The following GOLGB1 variants were observed in gnomAD, a reference collection of about 807,000 sequenced individuals.
GOLGB1 encodes the protein golgin subfamily B member 1.
Under a neutral mutation model 336.9 loss-of-function variants are expected in GOLGB1, and 174 were observed. The ratio of observed to expected loss-of-function variants is 0.52; its 90% CI spans 0.46 to 0.59. The LOEUF (loss-of-function observed/expected upper bound fraction) is 0.59, where lower values mean the gene tolerates loss of function less well. Ranked by LOEUF, GOLGB1 falls within the 20% of genes least tolerant of loss-of-function variation. GOLGB1 has a pLI of 0.00. For missense variants in GOLGB1, 3,331 were observed against 3,645.3 expected (o/e 0.91, Z 2.22); for synonymous variants, 1,208 against 1,289.2 (o/e 0.94, Z 1.35).
chr3:121,722,617 T>G (rs1430262305), intron 5 of GOLGB1, among the ~76,000 whole-genome samples: 1 of 152,102 alleles, frequency 6.6e-6, no homozygotes, highest in Non-Finnish European at 1.5e-5. Context: ...CAGCACAAGA[T>G]AGTAAAACCA....
rs765685351 is a variant in GOLGB1, at chr3:121,691,073, C to T, written c.8291G>A (p.Arg2764Lys). 14 of 1,613,928 alleles carry T rather than the reference C, an allele frequency of 8.7e-6. No homozygotes were observed. The Admixed American group carries it at 2.3e-4, about 27-fold the overall frequency. Residue 2764 changes from arginine to lysine, a missense_variant, in exon 14 of 22, where the codon AGG (arginine) becomes AAG (lysine). Transcript: ENST00000614479. ...TTCCTTCAGACTGGCATCATATTTCCTTTTCAGTTCATCAAGTTCCTCATT... is the reference window on the plus strand; with the variant it reads ...TTCCTTCAGACTGGCATCATATTTCTTTTTCAGTTCATCAAGTTCCTCATT... ...HANEELDELK[R>K]KYDASLKELA...
In GOLGB1 at chr3:121,696,684, T is replaced by C. The variant is rs1942977159; in HGVS notation, c.3839A>G (p.His1280Arg). Residue 1280 changes from histidine (H) to arginine (R), a missense_variant, in exon 13 of 22, where the codon CAC (histidine) becomes CGC (arginine). Physicochemically the swap from His to Arg is conservative, Grantham distance 29 (BLOSUM62 0). Transcript: ENST00000614479. ...GTTGGACTCTAAAACAGGTTGAGTG[T>C]GATGCTGTTCTGTGGCTTTGAATAA... ...EPLFKATEQH[H>R]TQPVLESNLC... 3 of 1,614,134 alleles carry C rather than the reference T, an allele frequency of 1.9e-6. No individual in the cohort carries two copies. Among genetic ancestry groups the C allele is most frequent in the Non-Finnish European group, 2.5e-6 (3 of 1,180,002 alleles).
intron 5 of GOLGB1, among the ~76,000 whole-genome samples, chr3:121,723,012 A>G (rs909267046): frequency 2.0e-5 from 3 of 152,236 alleles, no homozygotes; most frequent in African/African-American, 7.2e-5. Context: ...ATGAACCTGT[A>G]CTAAGAAGAA....
At chr3:121,725,371 T>C (rs1202219030) in intron 5 of GOLGB1, among the ~76,000 whole-genome samples, 2 of 152,184 alleles carry the variant, frequency 1.3e-5, no homozygotes, top group African/African-American at 4.8e-5. Context: ...AAGATTATTC[T>C]GGAATTTTAA....
intron 1 of GOLGB1, among the ~76,000 whole-genome samples, chr3:121,741,287 C>T (rs192097437): frequency 1.6e-3 from 239 of 151,960 alleles, no homozygotes; most frequent in African/African-American, 5.2e-3. Context: ...ATTAAATATA[C>T]GGTTACTAAC....
chr3:121,676,955 G>T lies in GOLGB1; in HGVS notation c.9115C>A (p.Leu3039Ile). 6.2e-7 allele frequency: 1 copy of T among 1,613,368 alleles called. No individual in the cohort carries two copies. Among genetic ancestry groups the T allele is most frequent in the South Asian group, 1.1e-5 (1 of 91,068 alleles). ...TGAATTTCCTTTAAGCTGTCATTGA[G>T]CTGGGTCCTGAGAAGTTCTGTCTCA... ...VYETELLRTQ[L>I]NDSLKEIHQK... The change falls in exon 17 of 22, where the codon CTC (leucine) becomes ATC (isoleucine). Residue 3039 changes from leucine (L) to isoleucine (I), a missense_variant. Physicochemically the swap from Leu to Ile is conservative, Grantham distance 5 (BLOSUM62 2). Coordinates refer to ENST00000614479, the MANE Select transcript of GOLGB1 (RefSeq NM_001366282.2).
chr3:121,694,960 C>G lies in GOLGB1; in HGVS notation c.5563G>C (p.Ala1855Pro). The stretch of plus-strand genomic sequence containing the variant: ...TTCTGCTTCTCCTCCTCTAATCCAG[C>G]AATTCTTTCTTTGAGCTGATCAATC... ...QQIDQLKERI[A>P]GLEEEKQKNK... Residue 1855 changes from alanine (A) to proline (P), a missense_variant, in exon 13 of 22, where the codon GCT becomes CCT. By Grantham distance (27) the Ala-to-Pro change is conservative (BLOSUM62 -1). Coordinates refer to ENST00000614479, the MANE Select transcript of GOLGB1 (RefSeq NM_001366282.2). 1 of 1,614,120 alleles carries G rather than the reference C, an allele frequency of 6.2e-7. No individual in the cohort carries two copies. The highest frequency in any genetic ancestry group is 8.5e-7 in the Non-Finnish European group (1 of 1,180,008).
Position 121,681,787 on chromosome 3 carries a change from G to T in GOLGB1, c.8773C>A (p.Gln2925Lys). Residue 2925 changes from glutamine to lysine, a missense_variant, in exon 15 of 22, where the codon CAA (glutamine) becomes AAA (lysine). Coordinates refer to ENST00000614479, the MANE Select transcript of GOLGB1 (RefSeq NM_001366282.2). The part of the protein sequence containing the change: ...EITELHPLKA[Q>K]LQEYQDKTKA... ...GTCTTATCTTGATACTCCTGAAGTTGAGCCTTCAGTGGATGTAACTCAGTG... is the reference window on the plus strand; with the variant it reads ...GTCTTATCTTGATACTCCTGAAGTTTAGCCTTCAGTGGATGTAACTCAGTG... 6.3e-7 allele frequency: 1 copy of T among 1,598,634 alleles called. No homozygotes were observed.
Position 121,690,783 on chromosome 3 carries a change from G to A in GOLGB1, c.8581C>T (p.Arg2861Ter). ...DHLWNELEKFRKSEEGKQRSA... is the reference protein window; with the variant it reads ...DHLWNELEKF ...CTCTGCTTCCCTTCCTCTGACTTTC[G>A]AAATTTCTCCAGCTCATTCCACAGG... Residue 2861 changes from arginine (R) to a stop codon, truncating the protein, a stop_gained, in exon 14 of 22, where the codon CGA becomes TGA. Transcript: ENST00000614479. LOFTEE classifies it high-confidence loss of function. 4.4e-6 allele frequency: 7 copies of A among 1,597,526 alleles called. No homozygotes were observed. The highest frequency in any genetic ancestry group is 6.0e-6 in the Non-Finnish European group (7 of 1,173,054).
At chr3:121,699,919 A>C in intron 11 of GOLGB1, 34 bp from the exon 12 acceptor site, 2 of 1,233,434 alleles carry the variant, frequency 1.6e-6, no homozygotes, top group Non-Finnish European at 2.3e-6. Context: ...TTTAGAAGAT[A>C]TATGTGGAGT....
Position 121,729,880 on chromosome 3 carries a change from T to C in GOLGB1, c.234A>G (p.Lys78=), listed in dbSNP as rs987919161. The change falls in exon 3 of 22, where the codon AAA becomes AAG. Residue 78 remains lysine, a synonymous_variant. Coordinates refer to ENST00000614479, the MANE Select transcript of GOLGB1 (RefSeq NM_001366282.2). The part of the protein sequence containing the change: ...IRQKDVQLQQ[K]DEALQEERKA... ...ACAATAGTACCTGTAGAGCTTCATC[T>C]TTCTGCTGCAGTTGAACATCCTTCT... is the stretch of plus-strand genomic sequence containing the variant. The C allele has an allele frequency of 3.7e-6, 6 of 1,612,228 alleles. No homozygotes were observed. In the African/African-American group the frequency reaches 6.7e-5, roughly 18 times the overall value.
Position 121,692,255 on chromosome 3 carries a change from G to A in GOLGB1, c.7109C>T (p.Ala2370Val). 1 of 1,605,408 alleles carries A rather than the reference G, an allele frequency of 6.2e-7. No homozygotes were observed. The highest frequency in any genetic ancestry group is 8.5e-7 in the Non-Finnish European group (1 of 1,177,272). ...SYEQLETDLQ[A>V]SRELTSRLHE... The stretch of plus-strand genomic sequence containing the variant: ...CAGCCTACTGGTCAGTTCTCTGGAG[G>A]CCTGAAGATCAGTCTCCAGTTGTTC... The change falls in exon 14 of 22, where the codon GCC becomes GTC. Residue 2370 changes from alanine (A) to valine (V), a missense_variant. Transcript: ENST00000614479.
At chr3:121,668,928 A>T (rs550468773) in intron 18 of GOLGB1, among the ~76,000 whole-genome samples, 76 of 152,196 alleles carry the variant, frequency 5.0e-4, no homozygotes, top group Non-Finnish European at 1.2e-4. Flanking sequence ...CTTAAAGCAA[A>T]ATCAACACTT....
chr3:121,686,556 TAGTC>T (rs957869557), intron 14 of GOLGB1, among the ~76,000 whole-genome samples: 2 of 152,208 alleles, frequency 1.3e-5, no homozygotes, highest in African/African-American at 2.4e-5. Flanking sequence ...GTCATCTGCT[TAGTC>T]AGTTCTATGC....
At position 121,716,925 on chromosome 3, in the gene GOLGB1, C is replaced by A. The variant is rs1057100369; in HGVS notation, c.1100G>T (p.Arg367Leu). 6.2e-7 allele frequency: 1 copy of A among 1,613,740 alleles called. No homozygotes were observed. Among genetic ancestry groups the A allele is most frequent in the Non-Finnish European group, 8.5e-7 (1 of 1,179,830 alleles). ...AGQAQAELES[R>L]YSALEQKHKA... ...GTGCTTCTGCTCCAAAGCACTATAC[C>A]GAGACTCTAGTTCAGCCTGGGCTTG... The change falls in exon 9 of 22, where the codon CGG becomes CTG. Residue 367 changes from arginine to leucine, a missense_variant. Physicochemically the swap from Arg to Leu is moderately radical, Grantham distance 102 (BLOSUM62 -2). Transcript: ENST00000614479.
At chr3:121,742,875 T>A (rs946758129) in intron 1 of GOLGB1, among the ~76,000 whole-genome samples, 16 of 152,220 alleles carry the variant, frequency 1.1e-4, no homozygotes, top group Admixed American at 2.6e-4. Context: ...ATGCTCACCA[T>A]CACTGGTCAT....
intron 5 of GOLGB1, among the ~76,000 whole-genome samples, chr3:121,725,074 C>T (rs1339345280): frequency 6.6e-6 from 1 of 152,108 alleles, no homozygotes; most frequent in African/African-American, 2.4e-5. Flanking sequence ...CAGGCAGAGG[C>T]TTGTCTTGAG....
intron 10 of GOLGB1, among the ~76,000 whole-genome samples, chr3:121,703,177 T>C (rs1015482850): frequency 3.3e-5 from 5 of 152,232 alleles, no homozygotes; most frequent in Admixed American, 3.3e-4. Context: ...TCTTTGTATA[T>C]ATTTTTTATT....
At chr3:121,741,883 A>G (rs538413592) in intron 1 of GOLGB1, among the ~76,000 whole-genome samples, 2 of 152,320 alleles carry the variant, frequency 1.3e-5, no homozygotes, top group East Asian at 3.9e-4. Flanking sequence ...TTCTTAGAGA[A>G]ATGGCTAATT....
Sources: allele counts gnomAD v4.1 joint callset (sites outside exome capture counted in the v4.1 genomes callset), GRCh38; gene constraint gnomAD v4.1.1; transcripts MANE v1.5; gene names NCBI Gene and HGNC (gene_info 2026-07-23, HGNC 2026-07-21).